Variants in ROBO2 observed in about 807,000 individuals in gnomAD.
ROBO2 encodes the protein roundabout guidance receptor 2.
A neutral mutation model predicts 160.8 loss-of-function variants in ROBO2; 53 were observed. That is an observed-to-expected ratio of 0.33 (90% CI 0.26 to 0.41). ROBO2 has a LOEUF of 0.41. Ranked by LOEUF, ROBO2 falls within the 10% of genes least tolerant of loss-of-function variation. The pLI is 1.00. For synonymous variants in ROBO2, 664 were observed against 611.7 expected, an observed-to-expected ratio of 1.09 and a Z score of -1.26; for missense variants, 1,577 against 1,722.4, an observed-to-expected ratio of 0.92 and a Z score of 1.49.
At chr3:77,448,721 G>A (rs1331565068) in intron 2 of ROBO2, among the ~76,000 whole-genome samples, 3 of 151,720 alleles carry the variant, frequency 2.0e-5, no homozygotes, top group Non-Finnish European at 2.9e-5. Flanking sequence ...GCAGCTTCTC[G>A]GGGGAACTGG....
chr3:76,808,519 A>G (rs908051486), intron 2 of ROBO2, among the ~76,000 whole-genome samples: 11 of 152,188 alleles, frequency 7.2e-5, no homozygotes, highest in African/African-American at 2.7e-4. Context: ...TAAGCAATGT[A>G]AATATAAAAA....
At chr3:76,619,327 G>C (rs1380229375) in intron 2 of ROBO2, among the ~76,000 whole-genome samples, 2 of 137,190 alleles carry the variant, frequency 1.5e-5, no homozygotes, top group Admixed American at 1.5e-4. Flanking sequence ...GCGACAGAGC[G>C]AGACTCCGTC....
In ROBO2 at chr3:77,347,169, A is replaced by C. The variant is rs534505831; in HGVS notation, c.389-130245A>C. On this transcript the variant is annotated intron_variant, in intron 2 of 25. Transcript: ENST00000461745. Reference sequence around the variant, plus strand: ...AGTTTAGTTCTCAGTGACACAAGGAATCATGGAAAGATCTGGAGAAAACCA... The same window carrying C: ...AGTTTAGTTCTCAGTGACACAAGGACTCATGGAAAGATCTGGAGAAAACCA... Among the ~76,000 whole-genome samples, 10 of 152,232 alleles carry C rather than the reference A, an allele frequency of 6.6e-5. No individual in the cohort carries two copies. The South Asian group carries it at 2.1e-3, about 32-fold the overall frequency.
chr3:76,716,301 T>C (rs1240016665), intron 2 of ROBO2, among the ~76,000 whole-genome samples: 1 of 152,202 alleles, frequency 6.6e-6, no homozygotes, highest in Non-Finnish European at 1.5e-5. Context: ...ACAATAAAAC[T>C]GGCATCATTA....
intron 9 of ROBO2, 55 bp downstream of exon 10, chr3:77,558,204 A>G (rs2093194729): frequency 3.4e-6 from 5 of 1,454,794 alleles, no homozygotes; most frequent in South Asian, 1.1e-5. Flanking sequence ...GTACTGCTCT[A>G]TGGAAAAATT....
intron 1 of ROBO2, among the ~76,000 whole-genome samples, chr3:77,078,706 T>C (rs1302950016): frequency 1.3e-5 from 2 of 152,004 alleles, no homozygotes; most frequent in South Asian, 2.1e-4. Flanking sequence ...GGCCCAAAGG[T>C]ATTTTGTTTT....
intron 2 of ROBO2, among the ~76,000 whole-genome samples, chr3:76,532,527 T>C (rs769204227): frequency 1.2e-4 from 18 of 152,224 alleles, no homozygotes; most frequent in Non-Finnish European, 2.2e-4. Flanking sequence ...TCAAGAATGA[T>C]ACAGACAATT....
chr3:76,443,549 AG>A (rs2077026597), intron 2 of ROBO2, among the ~76,000 whole-genome samples: 1 of 152,194 alleles, frequency 6.6e-6, no homozygotes, highest in African/African-American at 2.4e-5. Flanking sequence ...AGGGTTACTT[AG>A]GTCAGCATAA....
At chr3:76,826,720 A>G (rs2109242912) in intron 2 of ROBO2, among the ~76,000 whole-genome samples, 1 of 152,270 alleles carries the variant, frequency 6.6e-6, no homozygotes, top group Middle Eastern at 3.4e-3. Flanking sequence ...ATAATAGTAA[A>G]CTTGGTTTAA....
At chr3:77,277,478 G>A (rs1229477626) in intron 2 of ROBO2, among the ~76,000 whole-genome samples, 1 of 151,918 alleles carries the variant, frequency 6.6e-6, no homozygotes, top group Non-Finnish European at 1.5e-5. Flanking sequence ...ACAGGCCCCA[G>A]TGTGTGTTGT....
At chr3:76,542,014 C>G (rs1158228508) in intron 2 of ROBO2, among the ~76,000 whole-genome samples, 4 of 152,072 alleles carry the variant, frequency 2.6e-5, no homozygotes, top group Admixed American at 2.0e-4. Context: ...TCCTTCTTCC[C>G]TCCTCTCTGC....
intron 2 of ROBO2, among the ~76,000 whole-genome samples, chr3:77,175,482 C>A (rs148408038): frequency 6.6e-6 from 1 of 151,934 alleles, no homozygotes; most frequent in African/African-American, 2.4e-5. Flanking sequence ...GATGAGGAAT[C>A]GCTCAAAATT....
intron 2 of ROBO2, among the ~76,000 whole-genome samples, chr3:76,883,779 G>A (rs1026005174): frequency 4.6e-5 from 7 of 152,052 alleles, no homozygotes; most frequent in Admixed American, 4.6e-4. Context: ...GATTAACTGT[G>A]GAATTTGTGC....
intron 2 of ROBO2, among the ~76,000 whole-genome samples, chr3:77,015,871 A>T (rs1318887661): frequency 2.0e-5 from 3 of 152,230 alleles, no homozygotes; most frequent in Non-Finnish European, 2.9e-5. Context: ...TTAGCACAGC[A>T]TATCCCCACA....
chr3:76,357,159 G>C (rs1391682709), intron 2 of ROBO2, among the ~76,000 whole-genome samples: 2 of 151,804 alleles, frequency 1.3e-5, no homozygotes, highest in Non-Finnish European at 2.9e-5. Context: ...CTACACAGCT[G>C]TTTAAAAAAA....
intron 2 of ROBO2, among the ~76,000 whole-genome samples, chr3:77,101,310 G>A (rs2071890768): frequency 6.6e-6 from 1 of 151,062 alleles, no homozygotes; most frequent in Non-Finnish European, 1.5e-5. Flanking sequence ...GTTTTGTTTT[G>A]TTTTTGGTTA....
At chr3:76,259,177 A>C (rs1467555360) in intron 2 of ROBO2, among the ~76,000 whole-genome samples, 1 of 151,894 alleles carries the variant, frequency 6.6e-6, no homozygotes. Context: ...TTGTTTTTTA[A>C]ATATATTCTT....
At chr3:76,406,407 C>T (rs563271262) in intron 2 of ROBO2, among the ~76,000 whole-genome samples, 57 of 151,840 alleles carry the variant, frequency 3.8e-4, no homozygotes, top group African/African-American at 1.2e-3. Flanking sequence ...CAGATGAGAA[C>T]GGGAACTTGC....
At chr3:77,104,950 A>T (rs570350210) in intron 2 of ROBO2, among the ~76,000 whole-genome samples, 43 of 152,316 alleles carry the variant, frequency 2.8e-4, no homozygotes, top group African/African-American at 9.4e-4. Context: ...TAAGTTGGAT[A>T]ATCTTACTGT....
Sources: gnomAD v4.1 joint callset for allele counts (sites outside exome capture counted in the v4.1 genomes callset) on GRCh38, gnomAD v4.1.1 for gene constraint, MANE v1.5 for transcripts, NCBI Gene and HGNC (gene_info 2026-07-23, HGNC 2026-07-21) for gene names.